The following AKR1B15 variants were observed in gnomAD, a reference collection of about 807,000 sequenced individuals.
The protein encoded by AKR1B15 is estradiol 17-beta-dehydrogenase AKR1B15.
In AKR1B15, 49 loss-of-function variants were observed where a neutral mutation model predicts 38.5. The observed-to-expected ratio is 1.27, with a 90% CI of 1.01 to 1.62. The LOEUF (loss-of-function observed/expected upper bound fraction) is 1.62, where lower values mean the gene tolerates loss of function less well. Ranked by LOEUF, AKR1B15 falls within the 40% of genes most tolerant of loss-of-function variation. The pLI, the probability that AKR1B15 is intolerant of heterozygous loss-of-function variation, is 0.00. For missense variants in AKR1B15, 411 were observed against 381.6 expected, an observed-to-expected ratio of 1.08 and a Z score of -0.64; for synonymous variants, 137 against 135.5, an observed-to-expected ratio of 1.01 and a Z score of -0.08.
Position 134,576,422 on chromosome 7 carries a change from A to C in AKR1B15, c.817A>C (p.Thr273Pro). 2 of 1,614,084 alleles carry C rather than the reference A, an allele frequency of 1.2e-6. No homozygotes were observed. Among genetic ancestry groups the C allele is most frequent in the Non-Finnish European group, 1.7e-6 (2 of 1,179,970 alleles). The change falls in exon 9 of 12, where the codon ACA becomes CCA. Residue 273 changes from threonine (T) to proline (P), a missense_variant. By Grantham distance (38) the Thr-to-Pro change is conservative (BLOSUM62 -1). Coordinates refer to ENST00000457545, the MANE Select transcript of AKR1B15 (RefSeq NM_001080538.3). The stretch of plus-strand genomic sequence containing the variant: ...GATTGCTGCAAAGCACAAAAAAACC[A>C]CAGCCCAGGTACCATATTTTTATTT... ...KEIAAKHKKT[T>P]AQVLIRFHIQ... is the part of the protein sequence containing the mutation.
In AKR1B15 at chr7:134,575,470, A is replaced by C. The variant is rs3963352; in HGVS notation, c.564A>C (p.Ser188=). The change falls in exon 7 of 12, where the codon TCA becomes TCC. Residue 188 remains serine (S), a synonymous_variant. Transcript: ENST00000457545. ...GGCTGGTGAAAGCCCTTGGGGTCTC[A>C]AATTTCAACCACTTCCAGATCGAGA... ...DEGLVKALGV[S]NFNHFQIERL... is the part of the protein sequence containing the mutation. 1.5e-4 allele frequency: 249 copies of C among 1,613,894 alleles called. 1 individual carries two copies. Among genetic ancestry groups the C allele is most frequent in the Non-Finnish European group, 1.9e-4 (221 of 1,179,820 alleles).
intron 11 of AKR1B15, among the ~76,000 whole-genome samples, chr7:134,578,788 C>G (rs1794817888): frequency 6.6e-6 from 1 of 152,258 alleles, no homozygotes; most frequent in South Asian, 2.1e-4. Flanking sequence ...TCATAGCAGC[C>G]TTTCCTCATC....
chr7:134,563,874 A>T (rs1443531205), intron 2 of AKR1B15, among the ~76,000 whole-genome samples: 2 of 152,178 alleles, frequency 1.3e-5, no homozygotes, highest in Non-Finnish European at 2.9e-5. Flanking sequence ...CTACCTTGGC[A>T]AGTACTCTAG....
At chr7:134,579,228 G>A (rs1448570754) in intron 11 of AKR1B15, among the ~76,000 whole-genome samples, 2 of 152,148 alleles carry the variant, frequency 1.3e-5, no homozygotes, top group South Asian at 2.1e-4. Flanking sequence ...AGTGGATTGG[G>A]ACAAGACTTG....
chr7:134,567,360 A>G (rs1344305430), intron 3 of AKR1B15, among the ~76,000 whole-genome samples: 1 of 150,196 alleles, frequency 6.7e-6, no homozygotes, highest in Non-Finnish European at 1.5e-5. Flanking sequence ...CGTTCTCCCT[A>G]CCTCGCTCTT....
intron 2 of AKR1B15, among the ~76,000 whole-genome samples, chr7:134,557,735 T>G (rs1032620544): frequency 1.3e-5 from 2 of 152,254 alleles, no homozygotes; most frequent in African/African-American, 4.8e-5. Context: ...TCAGCTACAC[T>G]CCTCCTCCCC....
chr7:134,565,163 C>A, intron 3 of AKR1B15: 1 of 355,750 alleles, frequency 2.8e-6, no homozygotes. Flanking sequence ...TTCTTACCCT[C>A]TTGACGAAAA....
chr7:134,569,263 T>G lies in AKR1B15; in HGVS notation c.319-150T>G, dbSNP rs915477700. 5 of 878,252 alleles carry G rather than the reference T, an allele frequency of 5.7e-6. No homozygotes were observed. The African/African-American group carries it at 8.5e-5, about 15-fold the overall frequency. 54.4% of individuals were successfully genotyped at this position (878,252 alleles called of 1,614,324 possible). On this transcript the variant is annotated intron_variant, in intron 4 of 11. Coordinates refer to ENST00000457545, the MANE Select transcript of AKR1B15 (RefSeq NM_001080538.3). ...ATTGAGGTGCTGAGCCCTGGCGATCTTCCACACTGCATCGTGGATCTTAAT... is the reference window on the plus strand; with the variant it reads ...ATTGAGGTGCTGAGCCCTGGCGATCGTCCACACTGCATCGTGGATCTTAAT...
At chr7:134,579,435 A>G (rs1794835955) in intron 11 of AKR1B15, 72 bp from the exon 12 acceptor site, 2 of 1,343,154 alleles carry the variant, frequency 1.5e-6, no homozygotes, top group Non-Finnish European at 2.0e-6. Flanking sequence ...CCACCAGAGA[A>G]GAATACCTTC....
intron 6 of AKR1B15, among the ~76,000 whole-genome samples, chr7:134,573,160 A>G (rs1038980758): frequency 2.0e-5 from 3 of 152,154 alleles, no homozygotes; most frequent in African/African-American, 7.2e-5. Context: ...CCTTCCAAGT[A>G]GCTGGGACTA....
intron 2 of AKR1B15, among the ~76,000 whole-genome samples, chr7:134,557,263 G>A (rs916898529): frequency 1.3e-5 from 2 of 152,088 alleles, no homozygotes; most frequent in African/African-American, 4.8e-5. Context: ...TCTTAATTTT[G>A]TAAAGCAACG....
At chr7:134,555,911 T>G (rs1047394954) in intron 1 of AKR1B15, among the ~76,000 whole-genome samples, 6 of 152,186 alleles carry the variant, frequency 3.9e-5, no homozygotes, top group Admixed American at 1.3e-4. Context: ...TGTGTAACCT[T>G]GGCCACTTAC....
At chr7:134,572,736 G>A (rs567524296) in intron 6 of AKR1B15, among the ~76,000 whole-genome samples, 1 of 152,102 alleles carries the variant, frequency 6.6e-6, no homozygotes, top group South Asian at 2.1e-4. Context: ...AATGAATTAA[G>A]GGATGAATGT....
At chr7:134,560,702 TGACAAATACA>T (rs1390959519) in intron 2 of AKR1B15, among the ~76,000 whole-genome samples, 2 of 152,180 alleles carry the variant, frequency 1.3e-5, no homozygotes, top group Admixed American at 1.3e-4. Context: ...CAAAAGACTC[TGACAAATACA>T]GCTGGGAAGA....
intron 1 of AKR1B15, among the ~76,000 whole-genome samples, chr7:134,551,929 C>T (rs1050317264): frequency 6.6e-6 from 1 of 152,198 alleles, no homozygotes; most frequent in African/African-American, 2.4e-5. Context: ...CTCTTTGTCA[C>T]TTGGCCCCGG....
intron 2 of AKR1B15, among the ~76,000 whole-genome samples, chr7:134,563,220 G>T (rs1794461555): frequency 6.6e-6 from 1 of 152,170 alleles, no homozygotes; most frequent in African/African-American, 2.4e-5. Flanking sequence ...GGACAGGGCA[G>T]GGAAGCTACT....
intron 6 of AKR1B15, 89 bp downstream of exon 6, chr7:134,571,770 G>C: frequency 3.0e-6 from 3 of 1,013,232 alleles, no homozygotes; most frequent in Non-Finnish European, 3.0e-6. Context: ...CCATGTGCCT[G>C]ATGCTTTCTA....
intron 9 of AKR1B15, among the ~76,000 whole-genome samples, chr7:134,576,688 A>G (rs200064674): frequency 0.071 from 10,754 of 151,672 alleles, 629 homozygotes; most frequent in East Asian, 0.3. Context: ...GTCTAGGGAT[A>G]TGGGTGCAGA....
chr7:134,568,499 G>C (rs1339826796), intron 4 of AKR1B15, among the ~76,000 whole-genome samples, 174 bp downstream of exon 4: 1 of 152,152 alleles, frequency 6.6e-6, no homozygotes, highest in Non-Finnish European at 1.5e-5. Context: ...ATTGATATTT[G>C]AACATGTCGT....
Sources: allele counts gnomAD v4.1 joint callset (sites outside exome capture counted in the v4.1 genomes callset), GRCh38; gene constraint gnomAD v4.1.1; transcripts MANE v1.5; gene names NCBI Gene and HGNC (gene_info 2026-07-23, HGNC 2026-07-21).